LINGO2: variants seen among roughly 807,000 people sequenced by gnomAD.
LINGO2 encodes leucine rich repeat and Ig domain containing 2.
A neutral mutation model predicts 30.6 loss-of-function variants in LINGO2; 14 were observed. The ratio of observed to expected loss-of-function variants is 0.46; its 90% CI spans 0.30 to 0.72. The LOEUF is 0.72. LINGO2 is among the 30% of genes least tolerant of loss of function. The pLI is 0.07. For synonymous variants in LINGO2, 317 were observed against 288.5 expected (o/e 1.10, Z -1.00); for missense variants, 729 against 751.7 (o/e 0.97, Z 0.35).
At chr9:28,056,964 G>C (rs1014002778) in intron 4 of LINGO2, among the ~76,000 whole-genome samples, 2 of 152,086 alleles carry the variant, frequency 1.3e-5, no homozygotes, top group African/African-American at 4.8e-5. Flanking sequence ...GAGTGTCTTG[G>C]TTTAGGTTAA....
At chr9:28,055,071 G>T (rs7037858) in intron 4 of LINGO2, among the ~76,000 whole-genome samples, 17,545 of 152,054 alleles carry the variant, frequency 0.12, 2,322 homozygotes, top group African/African-American at 0.32. Context: ...GAAGCTAGAT[G>T]GTAATCAAAA....
chr9:28,276,971 C>T (rs1288222880), intron 4 of LINGO2, among the ~76,000 whole-genome samples: 1 of 152,130 alleles, frequency 6.6e-6, no homozygotes, highest in Admixed American at 6.5e-5. Context: ...TCAAGCTGCT[C>T]ATCCCCTCTA....
chr9:28,995,466 G>T, the LINGO2 span, among the ~76,000 whole-genome samples: 4 of 152,256 alleles, frequency 2.6e-5, no homozygotes, highest in East Asian at 1.9e-4. Context: ...GTGTGGCCAT[G>T]CCTCAGGGAT....
intron 1 of LINGO2, among the ~76,000 whole-genome samples, chr9:28,639,868 G>A (rs1290225468): frequency 6.6e-6 from 1 of 152,042 alleles, no homozygotes; most frequent in Non-Finnish European, 1.5e-5. Context: ...TCATTATGAT[G>A]TTAGCTGGTT....
chr9:28,660,589 T>C (rs1300187953), intron 1 of LINGO2, among the ~76,000 whole-genome samples: 1 of 150,968 alleles, frequency 6.6e-6, no homozygotes, highest in Non-Finnish European at 1.5e-5. Flanking sequence ...AAAAGCAAAA[T>C]AATGATAATA....
At chr9:28,649,638 G>A (rs1257585040) in intron 1 of LINGO2, among the ~76,000 whole-genome samples, 2 of 151,964 alleles carry the variant, frequency 1.3e-5, no homozygotes, top group South Asian at 2.1e-4. Flanking sequence ...CTCAATTCCT[G>A]GAGAATAGAA....
the LINGO2 span, among the ~76,000 whole-genome samples, chr9:29,030,671 T>G: frequency 6.6e-6 from 1 of 152,172 alleles, no homozygotes; most frequent in Admixed American, 6.5e-5. Context: ...TGTCACTGTC[T>G]TACCAATGGT....
At chr9:28,625,287 T>C (rs568874877) in intron 1 of LINGO2, among the ~76,000 whole-genome samples, 1 of 152,232 alleles carries the variant, frequency 6.6e-6, no homozygotes, top group East Asian at 1.9e-4. Context: ...GCCAAGTCCC[T>C]AAGTCACTGT....
intron 4 of LINGO2, among the ~76,000 whole-genome samples, chr9:28,031,770 A>ACT (rs1395872731): frequency 1.3e-5 from 2 of 152,248 alleles, no homozygotes; most frequent in African/African-American, 4.8e-5. Flanking sequence ...GCTGTATGGC[A>ACT]GCAAGCTGTC....
chr9:29,065,153 T>C, the LINGO2 span, among the ~76,000 whole-genome samples: 1 of 152,110 alleles, frequency 6.6e-6, no homozygotes, highest in Non-Finnish European at 1.5e-5. Flanking sequence ...GCAATACTCA[T>C]TTTTTAAAAA....
chr9:28,056,120 A>G (rs1050430628), intron 4 of LINGO2, among the ~76,000 whole-genome samples: 3 of 152,170 alleles, frequency 2.0e-5, no homozygotes, highest in African/African-American at 4.8e-5. Flanking sequence ...CTGAGCGTCT[A>G]CCGCCCTTCC....
At chr9:29,130,472 G>T in the LINGO2 span, among the ~76,000 whole-genome samples, 1 of 152,016 alleles carries the variant, frequency 6.6e-6, no homozygotes, top group Non-Finnish European at 1.5e-5. Context: ...TCTAAAACAG[G>T]CATTAGCAAA....
At chr9:28,523,558 A>G (rs1215590047) in intron 1 of LINGO2, among the ~76,000 whole-genome samples, 1 of 152,216 alleles carries the variant, frequency 6.6e-6, no homozygotes, top group Non-Finnish European at 1.5e-5. Flanking sequence ...AGAAAATTCT[A>G]CTAGTTCTAT....
chr9:28,479,901 A>G (rs761939762), intron 1 of LINGO2, among the ~76,000 whole-genome samples: 38 of 111,658 alleles, frequency 3.4e-4, no homozygotes, highest in Middle Eastern at 4.3e-3. Flanking sequence ...GTATGTGTAT[A>G]TATACGTAGG....
intron 4 of LINGO2, among the ~76,000 whole-genome samples, chr9:28,073,249 A>G (rs571506280): frequency 5.9e-5 from 9 of 152,190 alleles, no homozygotes; most frequent in Non-Finnish European, 8.8e-5. Flanking sequence ...CCTACCCCGT[A>G]TTAGCTGCTG....
chr9:28,798,966 G>C, the LINGO2 span, among the ~76,000 whole-genome samples: 5 of 152,226 alleles, frequency 3.3e-5, no homozygotes, highest in South Asian at 4.1e-4. Flanking sequence ...GGAAAGACAG[G>C]AGGCAGTGGT....
At chr9:29,200,421 T>C in the LINGO2 span, among the ~76,000 whole-genome samples, 3 of 152,216 alleles carry the variant, frequency 2.0e-5, no homozygotes, top group South Asian at 6.2e-4. Context: ...TTTTCAGTGA[T>C]ACAGAAAGTA....
At chr9:28,449,718 C>T (rs1033418746) in intron 2 of LINGO2, among the ~76,000 whole-genome samples, 2 of 151,976 alleles carry the variant, frequency 1.3e-5, no homozygotes, top group African/African-American at 4.8e-5. Flanking sequence ...GTTTCGACTG[C>T]CATTTCTTAC....
the LINGO2 span, among the ~76,000 whole-genome samples, chr9:29,014,046 G>A: frequency 3.3e-5 from 5 of 151,822 alleles, no homozygotes; most frequent in Non-Finnish European, 5.9e-5. Flanking sequence ...TTAATCCCAT[G>A]TAAATACAAA....
Sources: allele counts gnomAD v4.1 joint callset (sites outside exome capture counted in the v4.1 genomes callset), GRCh38; gene constraint gnomAD v4.1.1; transcripts MANE v1.5; gene names NCBI Gene and HGNC (gene_info 2026-07-23, HGNC 2026-07-21).